The following SLC25A48 variants were observed in gnomAD, a reference collection of about 807,000 sequenced individuals.
The protein encoded by SLC25A48 is solute carrier family 25 member 48, also known as CTC-321K16.1.
Under a neutral mutation model 32.2 loss-of-function variants are expected in SLC25A48, and 29 were observed. The ratio of observed to expected loss-of-function variants is 0.90; its 90% CI spans 0.67 to 1.23. The LOEUF is 1.23. Ranked by LOEUF, SLC25A48 falls within the 50% of genes most tolerant of loss-of-function variation. The probability of loss-of-function intolerance (pLI) is 0.00; values close to 1 mark genes in which losing one functional copy is unlikely to be tolerated. For synonymous variants in SLC25A48, 164 were observed against 172.3 expected, an observed-to-expected ratio of 0.95 and a Z score of 0.38; for missense variants, 399 against 422.7, an observed-to-expected ratio of 0.94 and a Z score of 0.49.
At chr5:135,657,324 G>A (rs1049088844) in intron 3 of SLC25A48, among the ~76,000 whole-genome samples, 12 of 152,202 alleles carry the variant, frequency 7.9e-5, no homozygotes, top group Non-Finnish European at 1.6e-4. Context: ...TGAGACCCTG[G>A]TTTGGTGAAA....
At chr5:135,879,609 A>AGTGTGT (rs1268618534) in intron 6 of SLC25A48, among the ~76,000 whole-genome samples, 17 of 127,128 alleles carry the variant, frequency 1.3e-4, no homozygotes, top group Non-Finnish European at 2.2e-4. Flanking sequence ...AGAGAGAGAG[A>AGTGTGT]GAGTGTGTGT....
At chr5:135,858,052 C>A (rs1259676222) in intron 4 of SLC25A48, among the ~76,000 whole-genome samples, 2 of 151,914 alleles carry the variant, frequency 1.3e-5, no homozygotes, top group Non-Finnish European at 2.9e-5. Flanking sequence ...ATTCCCCGAG[C>A]CTCCTGTATG....
At chr5:135,772,731 A>G (rs1293691717) in intron 3 of SLC25A48, among the ~76,000 whole-genome samples, 1 of 151,722 alleles carries the variant, frequency 6.6e-6, no homozygotes, top group Non-Finnish European at 1.5e-5. Flanking sequence ...ATTACTCTCA[A>G]TATCGCAGAT....
intron 3 of SLC25A48, among the ~76,000 whole-genome samples, chr5:135,646,875 GA>G (rs1752976846): frequency 6.6e-6 from 1 of 151,226 alleles, no homozygotes; most frequent in Non-Finnish European, 1.5e-5. Context: ...TATACAGGAT[GA>G]ATAGGTTCTA....
intron 3 of SLC25A48, among the ~76,000 whole-genome samples, chr5:135,798,391 T>C (rs974111304): frequency 2.0e-5 from 3 of 151,612 alleles, no homozygotes; most frequent in African/African-American, 7.3e-5. Context: ...ATCATAGAGA[T>C]TGTACAACCC....
At chr5:135,816,301 CAT>C (rs1482184876) in intron 4 of SLC25A48, among the ~76,000 whole-genome samples, 1 of 152,138 alleles carries the variant, frequency 6.6e-6, no homozygotes, top group Non-Finnish European at 1.5e-5. Context: ...TTTTTTCTAA[CAT>C]ATATTACATA....
chr5:135,829,447 T>A (rs980093868), intron 4 of SLC25A48, among the ~76,000 whole-genome samples: 5 of 152,088 alleles, frequency 3.3e-5, no homozygotes, highest in Non-Finnish European at 2.9e-5. Context: ...AAGAAGCACA[T>A]ATGATTTTCA....
chr5:135,821,941 G>C (rs1757898882), intron 4 of SLC25A48: 1 of 152,304 alleles, frequency 6.6e-6, no homozygotes. Flanking sequence ...GTGCTCACTA[G>C]AGACTGTGAG....
Position 135,629,553 on chromosome 5 carries a change from G to A in SLC25A48, c.-709+177G>A, listed in dbSNP as rs1005265989. 2.0e-5 allele frequency among the ~76,000 whole-genome samples: 3 copies of A among 152,192 alleles called. No individual in the cohort carries two copies. Among genetic ancestry groups the A allele is most frequent in the Non-Finnish European group, 4.4e-5 (3 of 68,038 alleles). ...TCCCAAGAGACCCTGGGAGGTGGGG[G>A]TGGAATGTGGAGTGAGGAAGTAAGA... On this transcript the variant is annotated intron_variant, in intron 2 of 10. Transcript: ENST00000646290. The surrounding 1 kb of genome is among the most constrained non-coding windows in gnomAD (Gnocchi z 4.8).
chr5:135,826,102 C>G (rs1268392505), intron 4 of SLC25A48: 1 of 152,300 alleles, frequency 6.6e-6, no homozygotes, highest in East Asian at 1.9e-4. Flanking sequence ...GTGCCCATGA[C>G]CATGGATGAG....
chr5:135,820,192 T>C (rs1757847041), intron 4 of SLC25A48, among the ~76,000 whole-genome samples: 1 of 152,122 alleles, frequency 6.6e-6, no homozygotes, highest in Admixed American at 6.5e-5. Flanking sequence ...GATAAGCAAA[T>C]TGTGTTACGC....
At chr5:135,844,835 A>G (rs1204421499) in intron 2 of SLC25A48, among the ~76,000 whole-genome samples, 3 of 152,184 alleles carry the variant, frequency 2.0e-5, no homozygotes, top group Non-Finnish European at 4.4e-5. Flanking sequence ...ATGAACAAGC[A>G]TTCTCCAAGT....
intron 3 of SLC25A48, among the ~76,000 whole-genome samples, chr5:135,762,677 G>T (rs932515204): frequency 1.3e-5 from 2 of 152,072 alleles, no homozygotes; most frequent in African/African-American, 4.8e-5. Flanking sequence ...CAGGAGTGTT[G>T]AGTATATAAG....
At chr5:135,706,818 G>A (rs1754522126) in intron 3 of SLC25A48, among the ~76,000 whole-genome samples, 1 of 152,208 alleles carries the variant, frequency 6.6e-6, no homozygotes, top group African/African-American at 2.4e-5. Flanking sequence ...CACATGTCAC[G>A]AAAGAGATGA....
intron 3 of SLC25A48, among the ~76,000 whole-genome samples, chr5:135,773,741 A>G (rs1016342525): frequency 6.6e-6 from 1 of 150,886 alleles, no homozygotes; most frequent in Non-Finnish European, 1.5e-5. Context: ...CTGCTGTGAC[A>G]TTGTTTCTAA....
rs772991314 is a variant in SLC25A48, at chr5:135,852,703, C to T, written c.303C>T (p.Arg101=). Residue 101 remains arginine (R), a synonymous_variant, in exon 4 of 8, where the codon CGC becomes CGT. Transcript: ENST00000681962. The stretch of plus-strand genomic sequence containing the variant: ...GGGAGCCAGAGGCCAGTCCTCCCCG[C>T]ACGCTGTCAGACCTGCTCCTGGCCA... ...RCGEPEASPP[R]TLSDLLLASM... is the part of the protein sequence containing the mutation. 1.6e-5 allele frequency: 26 copies of T among 1,614,066 alleles called. No individual in the cohort carries two copies. The East Asian group carries it at 5.6e-4, about 35-fold the overall frequency.
intron 4 of SLC25A48, among the ~76,000 whole-genome samples, chr5:135,817,826 A>G (rs535270298): frequency 1.6e-4 from 25 of 152,352 alleles, no homozygotes; most frequent in African/African-American, 5.8e-4. Context: ...CAGTAAGACA[A>G]ACAATCTTAC....
chr5:135,880,755 C>T (rs764272126), intron 7 of SLC25A48, among the ~76,000 whole-genome samples: 3 of 152,134 alleles, frequency 2.0e-5, no homozygotes, highest in African/African-American at 4.8e-5. Context: ...AATGTCCCGC[C>T]GTCTCTCTCA....
intron 3 of SLC25A48, among the ~76,000 whole-genome samples, chr5:135,734,835 AAG>A (rs1491036260): frequency 0.026 from 1,991 of 77,756 alleles, 26 homozygotes; most frequent in African/African-American, 0.064. Flanking sequence ...AAAAAAAAAA[AAG>A]AAGAAGAAGA....
Sources: gnomAD v4.1 joint callset for allele counts (sites outside exome capture counted in the v4.1 genomes callset) on GRCh38, gnomAD v4.1.1 for gene constraint, Gnocchi (gnomAD v3.1) non-coding constraint, MANE v1.5 for transcripts, NCBI Gene and HGNC (gene_info 2026-07-23, HGNC 2026-07-21) for gene names.